PRMT9: variants seen among roughly 807,000 people sequenced by gnomAD.
PRMT9 encodes the protein protein arginine methyltransferase 9, also known as protein arginine N-methyltransferase 9.
PRMT9 carries 59 observed loss-of-function variants against 83.2 expected under a neutral mutation model. The observed-to-expected ratio is 0.71, with a 90% confidence interval of 0.57 to 0.88. The LOEUF is 0.88. Among genes scored for constraint, PRMT9 ranks in the 40% least tolerant of loss-of-function variants. The pLI, the probability that PRMT9 is intolerant of heterozygous loss-of-function variation, is 0.00. For missense variants in PRMT9, 947 were observed against 1,021.9 expected (o/e 0.93, Z 1.00); for synonymous variants, 333 against 353.2 (o/e 0.94, Z 0.64).
chr4:147,659,007 G>A (rs933708288), intron 7 of PRMT9, among the ~76,000 whole-genome samples: 3 of 152,112 alleles, frequency 2.0e-5, no homozygotes, highest in South Asian at 2.1e-4. Context: ...GTGAAACCCC[G>A]TCTCTACTAA....
intron 9 of PRMT9, among the ~76,000 whole-genome samples, chr4:147,650,773 G>A (rs537383161): frequency 1.0e-3 from 156 of 152,180 alleles, no homozygotes; most frequent in Non-Finnish European, 1.9e-3. Context: ...GTATGGTACT[G>A]GTATAAAGAC....
At chr4:147,642,076 C>G (rs1238941049) in intron 10 of PRMT9, among the ~76,000 whole-genome samples, 1 of 152,130 alleles carries the variant, frequency 6.6e-6, no homozygotes, top group East Asian at 1.9e-4. Context: ...TTCTTAGAAT[C>G]TGAGCATTAG....
chr4:147,683,768 C>T (rs1190339341), intron 1 of PRMT9, 31 bp downstream of exon 1: 4 of 899,784 alleles, frequency 4.4e-6, no homozygotes, highest in Admixed American at 2.1e-5. Context: ...GACGTTGGAT[C>T]TGCCAGCAAG....
intron 9 of PRMT9, 81 bp downstream of exon 9, chr4:147,653,771 C>T (rs1259715077): frequency 4.2e-6 from 4 of 941,894 alleles, no homozygotes; most frequent in Middle Eastern, 3.0e-4. Context: ...TACAGTTAAG[C>T]GATTAAAGAA....
chr4:147,670,796 T>A, intron 4 of PRMT9, 53 bp from the exon 5 acceptor site: 1 of 1,167,192 alleles, frequency 8.6e-7, no homozygotes. Context: ...TGCTATTATA[T>A]AAAGATGTCA....
intron 6 of PRMT9, among the ~76,000 whole-genome samples, chr4:147,662,246 A>G (rs1191643971): frequency 6.6e-6 from 1 of 152,234 alleles, no homozygotes; most frequent in African/African-American, 2.4e-5. Flanking sequence ...AACAAGTCAC[A>G]CTGTATGGTT....
At position 147,673,865 on chromosome 4, in the gene PRMT9, A is replaced by G. The variant is rs1432501760; in HGVS notation, c.348T>C (p.Phe116=). 2.5e-6 allele frequency: 4 copies of G among 1,613,052 alleles called. No homozygotes were observed. The highest frequency in any genetic ancestry group is 2.7e-5 in the African/African-American group (2 of 74,930). ...GAAAATACCCAGCTGCTTCATCCCT[A>G]AAGCCCATTCTAGAGTAAAAAATGA... ...SMGEHLFRMG[F]RDEAAGYFHK... is the part of the protein sequence containing the mutation. Residue 116 remains phenylalanine (F), a synonymous_variant, in exon 3 of 12, where the codon TTT becomes TTC. Transcript: ENST00000322396.
intron 5 of PRMT9, 112 bp from the exon 6 acceptor site, chr4:147,668,757 G>A: frequency 1.4e-6 from 1 of 726,134 alleles, no homozygotes; most frequent in Non-Finnish European, 2.3e-6. Context: ...AATAAGTAAG[G>A]ATAAAGTAAG....
At chr4:147,666,756 T>A (rs1039644408) in intron 6 of PRMT9, among the ~76,000 whole-genome samples, 1 of 149,728 alleles carries the variant, frequency 6.7e-6, no homozygotes, top group African/African-American at 2.5e-5. Context: ...GGTAAAACAG[T>A]AGCACTCACA....
In PRMT9 at chr4:147,673,102, T is replaced by C; in HGVS notation, c.600A>G (p.Ala200=). The C allele has an allele frequency of 1.2e-6, 2 of 1,614,012 alleles. No individual in the cohort carries two copies. The highest frequency in any genetic ancestry group is 1.3e-5 in the African/African-American group (1 of 75,048). ...ATAACTCACAGGCATACACGGAATG[T>C]GCTCCAGCTTTTTTAGCAAACATGC... is the stretch of plus-strand genomic sequence containing the variant. ...ILSMFAKKAG[A]HSVYACELSK... The change falls in exon 4 of 12, where the codon GCA becomes GCG. Residue 200 remains alanine, a synonymous_variant. Transcript: ENST00000322396.
intron 9 of PRMT9, among the ~76,000 whole-genome samples, chr4:147,646,512 T>C (rs1733735685): frequency 6.6e-6 from 1 of 152,102 alleles, no homozygotes; most frequent in Non-Finnish European, 1.5e-5. Flanking sequence ...AGGAACCATT[T>C]CTATTTATAA....
intron 6 of PRMT9, among the ~76,000 whole-genome samples, chr4:147,663,047 C>CG (rs1735077693): frequency 6.8e-6 from 1 of 147,528 alleles, no homozygotes; most frequent in Non-Finnish European, 1.5e-5. Flanking sequence ...CTTGCTCTGT[C>CG]GCCCAGGCTG....
intron 9 of PRMT9, among the ~76,000 whole-genome samples, chr4:147,646,052 CCA>C (rs1307005687): frequency 6.6e-6 from 1 of 152,182 alleles, no homozygotes; most frequent in Non-Finnish European, 1.5e-5. Context: ...AATTCAGTCT[CCA>C]CAGTTAGTGA....
chr4:147,650,979 G>A (rs1734061315), intron 9 of PRMT9, among the ~76,000 whole-genome samples: 2 of 152,252 alleles, frequency 1.3e-5, no homozygotes, highest in Admixed American at 1.3e-4. Flanking sequence ...GCATGCGCCT[G>A]TAGTCCCAGC....
At chr4:147,668,942 T>C (rs1158437839) in intron 5 of PRMT9, among the ~76,000 whole-genome samples, 1 of 152,006 alleles carries the variant, frequency 6.6e-6, no homozygotes, top group Non-Finnish European at 1.5e-5. Context: ...AAAAATTAGC[T>C]GGGCGTGGTG....
chr4:147,642,849 C>G lies in PRMT9; in HGVS notation c.2137G>C (p.Ala713Pro). The G allele has an allele frequency of 1.2e-6, 2 of 1,613,260 alleles. No individual in the cohort carries two copies. The highest frequency in any genetic ancestry group is 1.7e-6 in the Non-Finnish European group (2 of 1,179,180). The change falls in exon 10 of 12, where the codon GCT (alanine) becomes CCT (proline). Residue 713 changes from alanine to proline, a missense_variant. Coordinates refer to ENST00000322396, the MANE Select transcript of PRMT9 (RefSeq NM_138364.4). Reference protein sequence around the residue: ...VESQTLLEENAVQGTERTLGL... With the variant: ...VESQTLLEENPVQGTERTLGL... ...AGAGTACGTTCTGTTCCTTGAACAG[C>G]ATTCTCCTCTAGGAGTGTCTGTGAT...
At chr4:147,670,519 T>G in intron 5 of PRMT9, 122 bp downstream of exon 5, 1 of 786,608 alleles carries the variant, frequency 1.3e-6, no homozygotes, top group Non-Finnish European at 2.2e-6. Context: ...AACCACACAG[T>G]ATGTACACCT....
intron 6 of PRMT9, among the ~76,000 whole-genome samples, chr4:147,661,926 T>C (rs932133973): frequency 6.6e-6 from 1 of 152,034 alleles, no homozygotes; most frequent in African/African-American, 2.4e-5. Flanking sequence ...GTAAGATCAC[T>C]TTGGAAGACT....
intron 2 of PRMT9, among the ~76,000 whole-genome samples, chr4:147,676,853 G>A (rs1475116704): frequency 6.6e-6 from 1 of 152,050 alleles, no homozygotes; most frequent in Admixed American, 6.6e-5. Context: ...AGACCAGCCT[G>A]GGCAACATGG....
Sources: allele counts gnomAD v4.1 joint callset (sites outside exome capture counted in the v4.1 genomes callset), GRCh38; gene constraint gnomAD v4.1.1; transcripts MANE v1.5; gene names NCBI Gene and HGNC (gene_info 2026-07-23, HGNC 2026-07-21).